The following SERGEF variants were observed in gnomAD, a reference collection of about 807,000 sequenced individuals.
SERGEF encodes the protein secretion regulating guanine nucleotide exchange factor.
A neutral mutation model predicts 50.0 loss-of-function variants in SERGEF; 51 were observed. That is an observed-to-expected ratio of 1.02 (90% CI 0.81 to 1.29). The LOEUF is 1.29. Ranked by LOEUF, SERGEF falls within the 50% of genes most tolerant of loss-of-function variation. The pLI, the probability that SERGEF is intolerant of heterozygous loss-of-function variation, is 0.00. For synonymous variants in SERGEF, 205 were observed against 212.4 expected (o/e 0.97, Z 0.30); for missense variants, 521 against 557.0 (o/e 0.94, Z 0.65).
At chr11:18,008,180 G>A in intron 1 of SERGEF, 104 bp from the exon 2 acceptor site, 1 of 1,167,760 alleles carries the variant, frequency 8.6e-7, no homozygotes, top group Non-Finnish European at 1.2e-6. Context: ...CTCAGACCCT[G>A]TAACAGATGA....
chr11:17,820,193 C>T (rs916414332), intron 10 of SERGEF, among the ~76,000 whole-genome samples: 19 of 152,052 alleles, frequency 1.2e-4, no homozygotes, highest in Admixed American at 3.9e-4. Context: ...TATTCCTGCC[C>T]TTGTCCTGAA....
At chr11:17,944,957 GTC>G (rs1474608089) in intron 9 of SERGEF, among the ~76,000 whole-genome samples, 1 of 152,194 alleles carries the variant, frequency 6.6e-6, no homozygotes, top group Non-Finnish European at 1.5e-5. Flanking sequence ...CATGAACAAA[GTC>G]TCTCTATTCT....
chr11:17,937,015 A>G (rs1441719581), intron 9 of SERGEF, among the ~76,000 whole-genome samples: 8 of 152,190 alleles, frequency 5.3e-5, no homozygotes, highest in African/African-American at 1.9e-4. Context: ...TTGGTAGCAA[A>G]AACCTGGGAA....
chr11:17,960,515 G>A (rs1852975339), intron 8 of SERGEF, among the ~76,000 whole-genome samples: 1 of 152,174 alleles, frequency 6.6e-6, no homozygotes, highest in Admixed American at 6.5e-5. Flanking sequence ...CATGTGCGTT[G>A]TATAAATTCT....
At chr11:17,799,648 A>G (rs1013687339) in intron 10 of SERGEF, among the ~76,000 whole-genome samples, 2 of 152,186 alleles carry the variant, frequency 1.3e-5, no homozygotes, top group Non-Finnish European at 2.9e-5. Context: ...GCAATAGTGG[A>G]GGTGGTAGTA....
At position 17,832,183 on chromosome 11, in the gene SERGEF, G is replaced by A. The variant is rs759423117; in HGVS notation, c.1049-43770C>T. On this transcript the variant is annotated intron_variant, in intron 10 of 10. Coordinates refer to ENST00000265965, the MANE Select transcript of SERGEF (RefSeq NM_012139.4). ...CAACTCTCATCTTGAATTCCCATACGTTGTGGGAGGGACCTGGTGGGAGGT... is the reference window on the plus strand; with the variant it reads ...CAACTCTCATCTTGAATTCCCATACATTGTGGGAGGGACCTGGTGGGAGGT... Among the ~76,000 whole-genome samples the A allele has an allele frequency of 6.6e-5, 10 of 152,144 alleles. No homozygotes were observed. The East Asian group carries it at 7.7e-4, about 12-fold the overall frequency.
intron 7 of SERGEF, among the ~76,000 whole-genome samples, chr11:17,990,500 G>C (rs1481012177): frequency 1.3e-5 from 2 of 152,212 alleles, no homozygotes; most frequent in Non-Finnish European, 2.9e-5. Context: ...AATCCATTAA[G>C]TGGACTGCTG....
chr11:17,965,139 G>A (rs764595053), intron 8 of SERGEF, among the ~76,000 whole-genome samples: 1 of 152,188 alleles, frequency 6.6e-6, no homozygotes, highest in Admixed American at 6.5e-5. Flanking sequence ...GGGACCTGGT[G>A]GGAGGTAATT....
chr11:17,887,996 G>A (rs1179432514), intron 9 of SERGEF, among the ~76,000 whole-genome samples: 1 of 152,256 alleles, frequency 6.6e-6, no homozygotes, highest in African/African-American at 2.4e-5. Flanking sequence ...TCTGAGCTCC[G>A]CCTCCTGTCA....
rs762488561 is a variant in SERGEF at position 17,992,994 on chromosome 11, C to T, written c.623-1G>A. ...CACATTGCTTTAGAATTCTCTAGAC[C>T]TACAAAAGAAAAAATGTTCTTCTGA... On this transcript the variant is annotated splice_acceptor_variant, in intron 6 of 10. Transcript: ENST00000265965. LOFTEE classifies it high-confidence loss of function. The T allele has an allele frequency of 6.2e-7, 1 of 1,613,542 alleles. No homozygotes were observed. Among genetic ancestry groups the T allele is most frequent in the Middle Eastern group, 1.6e-4 (1 of 6,062 alleles).
Position 17,839,525 on chromosome 11 carries a change from T to C in SERGEF, c.1048+38683A>G, listed in dbSNP as rs75071656. Among the ~76,000 whole-genome samples, 1,265 of 152,260 alleles carry C rather than the reference T, an allele frequency of 8.3e-3. 8 individuals are homozygous for C. Among genetic ancestry groups the C allele is most frequent in the Middle Eastern group, 0.02 (6 of 294 alleles). On this transcript the variant is annotated intron_variant, in intron 10 of 10. Transcript: ENST00000265965. ...CTGAGTTCTTTGGGGAAACTTAAGA[T>C]GGGTGGGCTGTTTGCTGAGCTGGTG...
intron 10 of SERGEF, chr11:17,853,624 C>T (rs1371161083): frequency 6.6e-6 from 1 of 152,144 alleles, no homozygotes; most frequent in Non-Finnish European, 1.5e-5. Context: ...TATGGAGTTC[C>T]TATTGAGGAC....
chr11:17,970,518 A>G (rs1285109938), intron 8 of SERGEF, among the ~76,000 whole-genome samples: 1 of 152,216 alleles, frequency 6.6e-6, no homozygotes, highest in East Asian at 1.9e-4. Context: ...GAAGAGTCAC[A>G]TATCTCTCAC....
chr11:17,853,579 TC>T (rs1454816860), intron 10 of SERGEF: 2 of 152,226 alleles, frequency 1.3e-5, no homozygotes, highest in Non-Finnish European at 2.9e-5. Flanking sequence ...ATCTGGTTTT[TC>T]CTCAGGGAGA....
chr11:18,000,372 T>C (rs953744087), intron 5 of SERGEF, 125 bp downstream of exon 5: 3 of 631,610 alleles, frequency 4.7e-6, no homozygotes, highest in Non-Finnish European at 8.1e-6. Flanking sequence ...CAGCTTGGGC[T>C]CAGGAGTTCA....
rs915206949 is a variant in SERGEF, at chr11:17,884,294, C to T, written c.1012-6050G>A. Among the ~76,000 whole-genome samples the T allele has an allele frequency of 6.6e-6, 1 of 152,182 alleles. No homozygotes were observed. Among genetic ancestry groups the T allele is most frequent in the Non-Finnish European group, 1.5e-5 (1 of 68,036 alleles). ...CTGGGTTATGCTCTGTGCCGCACTGCGAGCCCTTGGCGGGCACAGCCGCCA... is the reference window on the plus strand; with the variant it reads ...CTGGGTTATGCTCTGTGCCGCACTGTGAGCCCTTGGCGGGCACAGCCGCCA... On this transcript the variant is annotated intron_variant, in intron 9 of 10. Coordinates refer to ENST00000265965, the MANE Select transcript of SERGEF (RefSeq NM_012139.4). The surrounding 1 kb of genome is among the most constrained non-coding windows in gnomAD (Gnocchi z 4.6).
intron 10 of SERGEF, among the ~76,000 whole-genome samples, chr11:17,820,454 T>C (rs925262792): frequency 2.6e-5 from 4 of 152,196 alleles, no homozygotes; most frequent in Non-Finnish European, 5.9e-5. Context: ...AGGAAGAGAA[T>C]GGGCTTCAAA....
At chr11:17,889,340 G>A (rs1851489668) in intron 9 of SERGEF, among the ~76,000 whole-genome samples, 1 of 152,158 alleles carries the variant, frequency 6.6e-6, no homozygotes, top group Admixed American at 6.5e-5. Context: ...CACTAATAAT[G>A]TGCCAAACTG....
At chr11:17,806,457 T>C (rs531769541) in intron 10 of SERGEF, among the ~76,000 whole-genome samples, 34 of 152,322 alleles carry the variant, frequency 2.2e-4, no homozygotes, top group African/African-American at 7.7e-4. Context: ...GGATCACTAT[T>C]TTACCCTTGA....
Sources: gnomAD v4.1 joint callset for allele counts (sites outside exome capture counted in the v4.1 genomes callset) on GRCh38, gnomAD v4.1.1 for gene constraint, Gnocchi (gnomAD v3.1) non-coding constraint, MANE v1.5 for transcripts, NCBI Gene and HGNC (gene_info 2026-07-23, HGNC 2026-07-21) for gene names.